The following MAL variants were observed in gnomAD, a reference collection of about 807,000 sequenced individuals.
The protein encoded by MAL is myelin and lymphocyte protein.
In MAL, 5 loss-of-function variants were observed where a neutral mutation model predicts 16.7. The observed-to-expected ratio is 0.30, with a 90% CI of 0.16 to 0.63. The LOEUF is 0.63. Ranked by LOEUF, MAL falls within the 30% of genes least tolerant of loss-of-function variation. The pLI is 0.82. For missense variants in MAL, 202 were observed against 195.8 expected (o/e 1.03, Z -0.19); for synonymous variants, 96 against 85.5 (o/e 1.12, Z -0.67).
intron 2 of MAL, 144 bp downstream of exon 2, chr2:95,048,270 G>A (rs1674636171): frequency 1.1e-6 from 1 of 918,790 alleles, no homozygotes; most frequent in African/African-American, 1.7e-5. Context: ...AGCCTGCCCA[G>A]GGCTCCTGGC....
At chr2:95,040,606 C>T (rs565151969) in intron 1 of MAL, among the ~76,000 whole-genome samples, 1 of 152,280 alleles carries the variant, frequency 6.6e-6, no homozygotes, top group East Asian at 1.9e-4. Flanking sequence ...GCTGCTAAGA[C>T]GACTCAGTGA....
chr2:95,030,112 G>A (rs1359807614), intron 1 of MAL, among the ~76,000 whole-genome samples: 1 of 152,166 alleles, frequency 6.6e-6, no homozygotes. Flanking sequence ...GCAAGTGAGG[G>A]TGGCAGCTCA....
At chr2:95,046,980 G>A (rs1250351738) in intron 1 of MAL, among the ~76,000 whole-genome samples, 3 of 147,254 alleles carry the variant, frequency 2.0e-5, no homozygotes, top group African/African-American at 7.5e-5. Flanking sequence ...AAGAAAGAAA[G>A]AAAGAAAAAG....
At chr2:95,049,856 C>A in intron 3 of MAL, 150 bp downstream of exon 3, 1 of 1,199,546 alleles carries the variant, frequency 8.3e-7, no homozygotes, top group Non-Finnish European at 1.2e-6. Context: ...AGCAGGAAAG[C>A]CCCCGAGAAG....
At chr2:95,044,776 G>A (rs1232944677) in intron 1 of MAL, 1 of 152,258 alleles carries the variant, frequency 6.6e-6, no homozygotes, top group Admixed American at 6.5e-5. Flanking sequence ...AAGGCCCTCC[G>A]CGCAGCTGCC....
intron 1 of MAL, among the ~76,000 whole-genome samples, chr2:95,046,624 G>A (rs1674591857): frequency 6.6e-6 from 1 of 152,056 alleles, no homozygotes; most frequent in African/African-American, 2.4e-5. Context: ...TGACTGTATG[G>A]GGCTCACTGA....
chr2:95,050,882 C>G (rs570836885), intron 3 of MAL, among the ~76,000 whole-genome samples: 2 of 152,290 alleles, frequency 1.3e-5, no homozygotes, highest in East Asian at 3.9e-4. Flanking sequence ...GATCTTCCTT[C>G]CTGGGGAGGC....
At chr2:95,035,677 T>TA (rs1207209134) in intron 1 of MAL, among the ~76,000 whole-genome samples, 1 of 150,780 alleles carries the variant, frequency 6.6e-6, no homozygotes. Context: ...ATTTTTTTTT[T>TA]TTTTTTTTTT....
At position 95,031,835 on chromosome 2, in the gene MAL, G is replaced by A. The variant is rs555369842; in HGVS notation, c.93+5950G>A. On this transcript the variant is annotated intron_variant, in intron 1 of 3. Transcript: ENST00000309988. ...TTTTCTCCTCTCTTCCTCTCTAAAG[G>A]GAGGAGAAGTGTTCTAGACAGAGAT... is the stretch of plus-strand genomic sequence containing the variant. Among the ~76,000 whole-genome samples, 3 of 152,322 alleles carry A rather than the reference G, an allele frequency of 2.0e-5. No individual in the cohort carries two copies. The South Asian group carries it at 6.2e-4, about 32-fold the overall frequency.
At chr2:95,037,960 C>CTGAG (rs1347538913) in intron 1 of MAL, among the ~76,000 whole-genome samples, 60 of 88,026 alleles carry the variant, frequency 6.8e-4, no homozygotes, top group African/African-American at 2.5e-3. Context: ...GAGTGAGTGA[C>CTGAG]TGAGTGAGTG....
chr2:95,047,265 C>T (rs960792519), intron 1 of MAL, among the ~76,000 whole-genome samples: 1 of 152,236 alleles, frequency 6.6e-6, no homozygotes, highest in African/African-American at 2.4e-5. Context: ...AATTACTTAA[C>T]TTCCACCTAC....
At position 95,025,961 on chromosome 2, in the gene MAL, G is replaced by A; in HGVS notation, c.93+76G>A. ...CTCTCGGGCGCCCAGCACAGCTGTC[G>A]GACGGGATCCGCTAGCTGCGCAGGT... is the stretch of plus-strand genomic sequence containing the variant. On this transcript the variant is annotated intron_variant, in intron 1 of 3. Coordinates refer to ENST00000309988, the MANE Select transcript of MAL (RefSeq NM_002371.4). This position sits in a 1 kb window ranked among gnomAD's most constrained non-coding sequence, Gnocchi z 5.6. 2.3e-6 allele frequency: 3 copies of A among 1,300,450 alleles called. No individual in the cohort carries two copies. Among genetic ancestry groups the A allele is most frequent in the East Asian group, 2.7e-5 (1 of 36,956 alleles). 80.6% of individuals were successfully genotyped at this position (1,300,450 alleles called of 1,614,324 possible).
chr2:95,039,654 G>GT (rs1209817705), intron 1 of MAL, among the ~76,000 whole-genome samples: 1 of 149,012 alleles, frequency 6.7e-6, no homozygotes, highest in South Asian at 2.2e-4. Flanking sequence ...GACTGAGTGA[G>GT]GACTGAGTGA....
At chr2:95,041,815 T>A (rs1416728890) in intron 1 of MAL, among the ~76,000 whole-genome samples, 2 of 150,764 alleles carry the variant, frequency 1.3e-5, no homozygotes, top group Non-Finnish European at 3.0e-5. Context: ...TCCTGACAGA[T>A]TTTTTTTTTC....
intron 2 of MAL, among the ~76,000 whole-genome samples, chr2:95,048,899 C>T (rs1286412312): frequency 6.6e-6 from 1 of 152,192 alleles, no homozygotes; most frequent in Non-Finnish European, 1.5e-5. Context: ...TCACTGCAGC[C>T]TCAACCTCCC....
At chr2:95,035,738 C>T (rs1434864992) in intron 1 of MAL, among the ~76,000 whole-genome samples, 10 of 149,292 alleles carry the variant, frequency 6.7e-5, no homozygotes, top group African/African-American at 9.9e-5. Flanking sequence ...GGCATGATCT[C>T]GGCTCACTGC....
chr2:95,030,860 A>G (rs1040210148), intron 1 of MAL, among the ~76,000 whole-genome samples: 3 of 152,238 alleles, frequency 2.0e-5, no homozygotes, highest in African/African-American at 7.2e-5. Flanking sequence ...AATGACTAAA[A>G]TGACACCTTT....
intron 1 of MAL, among the ~76,000 whole-genome samples, chr2:95,043,105 T>C (rs1459749382): frequency 6.6e-6 from 1 of 152,232 alleles, no homozygotes; most frequent in African/African-American, 2.4e-5. Context: ...TGCTTCAGCA[T>C]CCTCTGAGCT....
At chr2:95,042,200 A>T (rs1358558009) in intron 1 of MAL, among the ~76,000 whole-genome samples, 2 of 152,110 alleles carry the variant, frequency 1.3e-5, no homozygotes, top group Non-Finnish European at 2.9e-5. Context: ...CAGGACCTGG[A>T]GGGGGGCAGT....
Sources: gnomAD v4.1 joint callset for allele counts (sites outside exome capture counted in the v4.1 genomes callset) on GRCh38, gnomAD v4.1.1 for gene constraint, Gnocchi (gnomAD v3.1) non-coding constraint, MANE v1.5 for transcripts, NCBI Gene and HGNC (gene_info 2026-07-23, HGNC 2026-07-21) for gene names.